The following GSDMC variants were observed in gnomAD, a reference collection of about 807,000 sequenced individuals.
The protein encoded by GSDMC is gasdermin C, also known as gasdermin-C.
A neutral mutation model predicts 58.0 loss-of-function variants in GSDMC; 59 were observed. The ratio of observed to expected loss-of-function variants is 1.02; its 90% CI spans 0.82 to 1.26. The LOEUF is 1.26. Ranked by LOEUF, GSDMC falls within the 50% of genes most tolerant of loss-of-function variation. The probability of loss-of-function intolerance (pLI) is 0.00; values close to 1 mark genes in which losing one functional copy is unlikely to be tolerated. For synonymous variants in GSDMC, 241 were observed against 220.2 expected (o/e 1.09, Z -0.83); for missense variants, 659 against 598.5 (o/e 1.10, Z -1.06).
the GSDMC span, among the ~76,000 whole-genome samples, chr8:129,735,136 G>A: frequency 6.6e-6 from 1 of 152,136 alleles, no homozygotes; most frequent in African/African-American, 2.4e-5. Flanking sequence ...CCCAATACAG[G>A]AGCACCCAGA....
the GSDMC span, among the ~76,000 whole-genome samples, chr8:129,731,135 A>G: frequency 4.7e-4 from 72 of 152,348 alleles, no homozygotes; most frequent in Non-Finnish European, 6.9e-4. Flanking sequence ...ATATAAAAAA[A>G]CTTTTAACTG....
chr8:129,758,243 G>C (rs2033519208), intron 6 of GSDMC, among the ~76,000 whole-genome samples: 1 of 152,164 alleles, frequency 6.6e-6, no homozygotes, highest in Non-Finnish European at 1.5e-5. Context: ...ATATATGACA[G>C]AGCCACAGCT....
chr8:129,724,515 C>T, the GSDMC span, among the ~76,000 whole-genome samples: 4 of 151,486 alleles, frequency 2.6e-5, no homozygotes, highest in Non-Finnish European at 5.9e-5. Flanking sequence ...TATTAAAATA[C>T]AAACTCCTGG....
intron 1 of GSDMC, among the ~76,000 whole-genome samples, chr8:129,785,359 T>C (rs760164253): frequency 6.9e-6 from 1 of 145,206 alleles, no homozygotes; most frequent in Non-Finnish European, 1.5e-5. Flanking sequence ...GTTATGGAGA[T>C]AGAGTAAAAT....
intron 6 of GSDMC, among the ~76,000 whole-genome samples, chr8:129,758,251 G>A (rs1200026009): frequency 6.6e-6 from 1 of 152,190 alleles, no homozygotes; most frequent in Admixed American, 6.5e-5. Flanking sequence ...CAGAGCCACA[G>A]CTAGTTTCAT....
intron 3 of GSDMC, among the ~76,000 whole-genome samples, chr8:129,767,506 T>A (rs981061076): frequency 6.6e-6 from 1 of 151,736 alleles, no homozygotes; most frequent in African/African-American, 2.4e-5. Context: ...AACACAGCCT[T>A]GAAGCTCTGC....
chr8:129,740,677 C>A, the GSDMC span, among the ~76,000 whole-genome samples: 4 of 152,080 alleles, frequency 2.6e-5, no homozygotes, highest in South Asian at 8.3e-4. Flanking sequence ...CCTAATGATG[C>A]ATTTATTAGA....
intron 6 of GSDMC, among the ~76,000 whole-genome samples, chr8:129,753,298 A>G (rs2033290906): frequency 6.6e-6 from 1 of 152,178 alleles, no homozygotes; most frequent in African/African-American, 2.4e-5. Context: ...CGCATCGTGG[A>G]TATCACCTCA....
chr8:129,752,028 G>T, intron 8 of GSDMC, 78 bp downstream of exon 8: 1 of 1,477,662 alleles, frequency 6.8e-7, no homozygotes, highest in Non-Finnish European at 9.5e-7. Context: ...CAAGACTTTG[G>T]GTAATAGCAC....
chr8:129,710,717 T>C, the GSDMC span, among the ~76,000 whole-genome samples: 3 of 152,354 alleles, frequency 2.0e-5, no homozygotes. Flanking sequence ...AAATGTTTGC[T>C]GGATGAATGA....
the GSDMC span, among the ~76,000 whole-genome samples, chr8:129,713,074 C>T: frequency 3.3e-3 from 496 of 152,362 alleles, 1 homozygote; most frequent in African/African-American, 8.9e-3. Flanking sequence ...AACAGACTCA[C>T]GCACTTTTGC....
intron 3 of GSDMC, among the ~76,000 whole-genome samples, chr8:129,768,499 T>C (rs886290127): frequency 6.6e-6 from 1 of 152,082 alleles, no homozygotes; most frequent in African/African-American, 2.4e-5. Flanking sequence ...TACACAAAAT[T>C]AGTTCCACAA....
the GSDMC span, chr8:129,728,652 T>C: frequency 0.31 from 86,852 of 282,528 alleles, 18,529 homozygotes; most frequent in African/African-American, 0.66. Context: ...GAGCTTCTGC[T>C]AGTAAACAAG....
intron 2 of GSDMC, among the ~76,000 whole-genome samples, chr8:129,776,813 T>C (rs1586616372): frequency 6.6e-6 from 1 of 152,122 alleles, no homozygotes; most frequent in Non-Finnish European, 1.5e-5. Flanking sequence ...CAGGCTGGAG[T>C]GCATTGGTGC....
chr8:129,715,967 A>G, the GSDMC span, among the ~76,000 whole-genome samples: 1 of 152,212 alleles, frequency 6.6e-6, no homozygotes, highest in Admixed American at 6.5e-5. Flanking sequence ...ATGAAGTAGT[A>G]TAATATTACT....
chr8:129,717,250 C>CTTTTTTTTTTTTTTT, the GSDMC span, among the ~76,000 whole-genome samples: 2 of 114,686 alleles, frequency 1.7e-5, no homozygotes, highest in Non-Finnish European at 3.5e-5. Context: ...TGGTCCTGGG[C>CTTTTTTTTTTTTTTT]TTTTTTTTTT....
chr8:129,711,691 A>C, the GSDMC span, among the ~76,000 whole-genome samples: 1 of 152,240 alleles, frequency 6.6e-6, no homozygotes, highest in Non-Finnish European at 1.5e-5. Context: ...CAGTTCTGCC[A>C]CTTACTGTGT....
At chr8:129,715,973 T>C in the GSDMC span, among the ~76,000 whole-genome samples, 3 of 152,176 alleles carry the variant, frequency 2.0e-5, no homozygotes, top group Non-Finnish European at 4.4e-5. Context: ...TAGTATAATA[T>C]TACTTGAACC....
chr8:129,781,004 C>CTCATAGTAA (rs2034390184), intron 1 of GSDMC, among the ~76,000 whole-genome samples: 1 of 151,984 alleles, frequency 6.6e-6, no homozygotes, highest in Non-Finnish European at 1.5e-5. Context: ...ATTTGCAAGC[C>CTCATAGTAA]TCATAGTAAT....
Sources: gnomAD v4.1 joint callset for allele counts (sites outside exome capture counted in the v4.1 genomes callset) on GRCh38, gnomAD v4.1.1 for gene constraint, MANE v1.5 for transcripts, NCBI Gene and HGNC (gene_info 2026-07-23, HGNC 2026-07-21) for gene names.